PDE4D: variants seen among roughly 807,000 people sequenced by gnomAD.
PDE4D encodes the protein 3',5'-cyclic-AMP phosphodiesterase 4D.
Under a neutral mutation model 87.4 loss-of-function variants are expected in PDE4D, and 24 were observed. That is an observed-to-expected ratio of 0.27 (90% confidence interval 0.20 to 0.39). The LOEUF is 0.39. Ranked by LOEUF, PDE4D falls within the 10% of genes least tolerant of loss-of-function variation. The pLI, the probability that PDE4D is intolerant of heterozygous loss-of-function variation, is 1.00. For synonymous variants in PDE4D, 384 were observed against 383.2 expected (o/e 1.00, Z -0.02); for missense variants, 714 against 1,041.0 (o/e 0.69, Z 4.32).
At chr5:60,197,122 T>C (rs1253465337) in intron 1 of PDE4D, among the ~76,000 whole-genome samples, 2 of 150,434 alleles carry the variant, frequency 1.3e-5, no homozygotes, top group Non-Finnish European at 3.0e-5. Context: ...GATAGATAGA[T>C]AGATTAGATA....
intron 1 of PDE4D, among the ~76,000 whole-genome samples, chr5:59,892,566 G>T (rs1211066519): frequency 2.0e-5 from 3 of 150,608 alleles, no homozygotes; most frequent in African/African-American, 7.4e-5. Flanking sequence ...AGTCACCCAC[G>T]TGTTCTCCCC....
At chr5:60,127,498 G>A (rs936931404) in intron 2 of PDE4D, 24 of 418,320 alleles carry the variant, frequency 5.7e-5, no homozygotes, top group Non-Finnish European at 9.3e-5. Flanking sequence ...CAGACAGGCC[G>A]GCCCCGGGAA....
chr5:59,424,150 TC>T (rs2153628592), intron 1 of PDE4D, among the ~76,000 whole-genome samples: 1 of 152,170 alleles, frequency 6.6e-6, no homozygotes, highest in African/African-American at 2.4e-5. Context: ...ATGGGGAAGG[TC>T]CCTGGGTAAT....
intron 2 of PDE4D, among the ~76,000 whole-genome samples, chr5:60,005,946 A>C (rs946713527): frequency 6.6e-6 from 1 of 151,982 alleles, no homozygotes; most frequent in African/African-American, 2.4e-5. Flanking sequence ...TCATACCAAA[A>C]ATTAAAATTA....
chr5:59,210,896 A>G (rs1397614997), intron 2 of PDE4D, among the ~76,000 whole-genome samples: 1 of 152,196 alleles, frequency 6.6e-6, no homozygotes, highest in African/African-American at 2.4e-5. Context: ...ACTTAATTCT[A>G]CTTATCTTGT....
chr5:59,500,389 A>G (rs1014678233), intron 1 of PDE4D, among the ~76,000 whole-genome samples: 5 of 152,174 alleles, frequency 3.3e-5, no homozygotes, highest in Admixed American at 6.5e-5. Context: ...GATAAAGAAA[A>G]TGTGCTACAT....
At chr5:59,124,712 C>T (rs1422346592) in intron 5 of PDE4D, among the ~76,000 whole-genome samples, 1 of 152,094 alleles carries the variant, frequency 6.6e-6, no homozygotes, top group African/African-American at 2.4e-5. Context: ...ACAACATATT[C>T]GTTTGTGAAT....
intron 1 of PDE4D, among the ~76,000 whole-genome samples, chr5:59,831,326 CAAAAAAAAA>C (rs35043596): frequency 1.1e-5 from 1 of 91,414 alleles, no homozygotes; most frequent in Non-Finnish European, 2.0e-5. Flanking sequence ...AAATTATTCT[CAAAAAAAAA>C]AAAAAAAAAA....
At chr5:60,425,876 T>C (rs1412873430) in intron 1 of PDE4D, among the ~76,000 whole-genome samples, 2 of 152,240 alleles carry the variant, frequency 1.3e-5, no homozygotes, top group Middle Eastern at 3.4e-3. Flanking sequence ...GGGCGAAGGA[T>C]ATGAACAGAC....
At chr5:60,093,429 G>A (rs1157427459) in intron 2 of PDE4D, among the ~76,000 whole-genome samples, 1 of 152,124 alleles carries the variant, frequency 6.6e-6, no homozygotes, top group Non-Finnish European at 1.5e-5. Context: ...TATTTTTTGA[G>A]GCTCTTCTCT....
intron 1 of PDE4D, among the ~76,000 whole-genome samples, chr5:59,811,726 G>T (rs1347297101): frequency 6.6e-6 from 1 of 152,176 alleles, no homozygotes; most frequent in Non-Finnish European, 1.5e-5. Context: ...GGAGTTTTAG[G>T]TTTGAATCTT....
chr5:60,313,002 C>T (rs1755184897), intron 1 of PDE4D, among the ~76,000 whole-genome samples: 1 of 152,024 alleles, frequency 6.6e-6, no homozygotes, highest in Non-Finnish European at 1.5e-5. Context: ...AACAACATAA[C>T]ATCACACCTA....
At chr5:60,382,845 C>T (rs1438106333) in intron 1 of PDE4D, among the ~76,000 whole-genome samples, 1 of 152,196 alleles carries the variant, frequency 6.6e-6, no homozygotes, top group Non-Finnish European at 1.5e-5. Flanking sequence ...CTAGGGAAGT[C>T]AGTTCTACAG....
chr5:59,964,025 A>G (rs1759746367), intron 3 of PDE4D, among the ~76,000 whole-genome samples: 1 of 152,196 alleles, frequency 6.6e-6, no homozygotes. Context: ...TGGAAGGGAA[A>G]CACATTGCAG....
At chr5:59,170,881 CTT>C (rs1260829199) in intron 5 of PDE4D, among the ~76,000 whole-genome samples, 9 of 138,508 alleles carry the variant, frequency 6.5e-5, no homozygotes, top group Non-Finnish European at 7.9e-5. Context: ...TATACTTTCA[CTT>C]TTTTTTTTTT....
intron 2 of PDE4D, among the ~76,000 whole-genome samples, chr5:60,080,315 G>A (rs1235706268): frequency 6.6e-6 from 1 of 152,160 alleles, no homozygotes; most frequent in Non-Finnish European, 1.5e-5. Flanking sequence ...ATAAAATCAT[G>A]TTGTCTACAA....
At chr5:59,519,306 T>C (rs1811758871) in intron 1 of PDE4D, among the ~76,000 whole-genome samples, 1 of 152,114 alleles carries the variant, frequency 6.6e-6, no homozygotes, top group African/African-American at 2.4e-5. Context: ...AAGGATACAG[T>C]AGGTCATAGG....
At chr5:59,214,079 A>AC (rs1561725443) in intron 2 of PDE4D, among the ~76,000 whole-genome samples, 7 of 123,788 alleles carry the variant, frequency 5.7e-5, no homozygotes, top group African/African-American at 2.2e-4. Context: ...CACACACACA[A>AC]CCATTCTATA....
At chr5:60,377,775 T>C (rs1052317361) in intron 1 of PDE4D, among the ~76,000 whole-genome samples, 2 of 152,122 alleles carry the variant, frequency 1.3e-5, no homozygotes, top group African/African-American at 4.8e-5. Context: ...CGTTTCATCA[T>C]GCTGAAAGGA....
Sources: allele counts gnomAD v4.1 joint callset (sites outside exome capture counted in the v4.1 genomes callset), GRCh38; gene constraint gnomAD v4.1.1; transcripts MANE v1.5; gene names NCBI Gene and HGNC (gene_info 2026-07-23, HGNC 2026-07-21).